The following PRX variants were observed in gnomAD, a reference collection of about 807,000 sequenced individuals.
The protein encoded by PRX is periaxin.
PRX carries 24 observed loss-of-function variants against 29.6 expected under a neutral mutation model. The observed-to-expected ratio is 0.81, with a 90% CI of 0.59 to 1.14. The LOEUF is 1.14. Ranked by LOEUF, PRX falls within the 50% of genes most tolerant of loss-of-function variation. The pLI is 0.00. For missense variants in PRX, 1,838 were observed against 1,926.4 expected, an observed-to-expected ratio of 0.95 and a Z score of 0.86; for synonymous variants, 772 against 831.7, an observed-to-expected ratio of 0.93 and a Z score of 1.24.
Position 40,398,430 on chromosome 19 carries a change from TG to T in PRX, c.381+189del. The T allele has an allele frequency of 6.7e-7, 1 of 1,498,626 alleles. No homozygotes were observed. Among genetic ancestry groups the T allele is most frequent in the Non-Finnish European group, 8.8e-7 (1 of 1,130,766 alleles). 92.8% of individuals were successfully genotyped at this position (1,498,626 alleles called of 1,614,324 possible). On this transcript the variant is annotated intron_variant, in intron 6 of 6. Coordinates refer to ENST00000324001, the MANE Select transcript of PRX (RefSeq NM_181882.3). This position sits in a 1 kb window ranked among gnomAD's most constrained non-coding sequence, Gnocchi z 6.3. ...TCCGAGGTGGGTGAGGGCCCTGGGC[TG>T]GGGTGGGTCTGTCCCCCTTCCCGGG...
chr19:40,405,570 C>G (rs957923666), intron 4 of PRX, among the ~76,000 whole-genome samples: 2 of 151,100 alleles, frequency 1.3e-5, no homozygotes, highest in Non-Finnish European at 1.5e-5. Context: ...GCATGACCAC[C>G]AGTACCGCCC....
In PRX at chr19:40,397,465, T is replaced by C; in HGVS notation, c.887A>G (p.Glu296Gly). The part of the protein sequence containing the change: ...PAVGIQVPQV[E>G]LPALPSLPTL... ...GGGCAGTGAGGGCAAGGCAGGCAGC[T>C]CCACCTGGGGGACCTGGATTCCCAC... Residue 296 changes from glutamate (E) to glycine (G), a missense_variant, in exon 7 of 7, where the codon GAG (glutamate) becomes GGG (glycine). Transcript: ENST00000324001. 1 of 1,579,158 alleles carries C rather than the reference T, an allele frequency of 6.3e-7. No homozygotes were observed. The highest frequency in any genetic ancestry group is 1.1e-5 in the South Asian group (1 of 87,746).
intron 4 of PRX, among the ~76,000 whole-genome samples, chr19:40,406,750 TG>T (rs1385099609): frequency 2.7e-5 from 4 of 148,552 alleles, no homozygotes; most frequent in Non-Finnish European, 5.9e-5. Context: ...TTCTCAGAGG[TG>T]GAGATCATTA....
rs372582520 is a variant in PRX at position 40,394,195 on chromosome 19, G to A, written c.4157C>T (p.Pro1386Leu). The A allele has an allele frequency of 1.3e-6, 2 of 1,589,920 alleles. No individual in the cohort carries two copies. The highest frequency in any genetic ancestry group is 2.3e-5 in the South Asian group (2 of 88,680). Residue 1386 changes from proline to leucine, a missense_variant, in exon 7 of 7, where the codon CCT becomes CTT. Transcript: ENST00000324001. This position sits in a 1 kb window ranked among gnomAD's most constrained non-coding sequence, Gnocchi z 5.8. ...CTCCTGCCCCCGAGAGGCTTTAGAA[G>A]GGGCCGCCAGGCCTACACGTGGCAA... Reference protein sequence around the residue: ...VRLPRVGLAAPSKASRGQEGD... With the variant: ...VRLPRVGLAALSKASRGQEGD...
chr19:40,398,768 T>A lies in PRX; in HGVS notation c.233A>T (p.Glu78Val). ...GCATTGCAGCAGGCGTAGTGCGTCCTCGTACTTGAAGTTCTCGAAGAACAC... is the reference window on the plus strand; with the variant it reads ...GCATTGCAGCAGGCGTAGTGCGTCCACGTACTTGAAGTTCTCGAAGAACAC... The part of the protein sequence containing the change: ...ARVFFENFKY[E>V]DALRLLQCAE... Residue 78 changes from glutamate (E) to valine (V), a missense_variant, in exon 6 of 7, where the codon GAG becomes GTG. Physicochemically the swap from Glu to Val is moderately radical, Grantham distance 121 (BLOSUM62 -2). Transcript: ENST00000324001. The surrounding 1 kb of genome is among the most constrained non-coding windows in gnomAD (Gnocchi z 6.3). 6.2e-7 allele frequency: 1 copy of A among 1,614,074 alleles called. No homozygotes were observed. Among genetic ancestry groups the A allele is most frequent in the Non-Finnish European group, 8.5e-7 (1 of 1,179,962 alleles).
At chr19:40,414,759 C>T (rs992001637), upstream of PRX, among the ~76,000 whole-genome samples, 1 of 152,194 alleles carries the variant, frequency 6.6e-6, no homozygotes, top group Admixed American at 6.5e-5. Context: ...TGAACCCACC[C>T]GGCTGCTGCC....
chr19:40,400,075 C>T (rs1327265501), intron 5 of PRX, among the ~76,000 whole-genome samples: 2 of 151,274 alleles, frequency 1.3e-5, no homozygotes, highest in Admixed American at 6.6e-5. Flanking sequence ...CTCTGCCTCC[C>T]GGGTTCAAGC....
Position 40,408,172 on chromosome 19 carries a change from A to C in PRX, c.-114T>G, listed in dbSNP as rs367716653. ...TGTCCTCTCACCGCTGCCTGGGTGC[A>C]GGCACTTCCTCCTAACAGGAGCCCA... On this transcript the variant is annotated 5_prime_UTR_variant, in exon 3 of 7. Transcript: ENST00000324001. The C allele has an allele frequency of 2.3e-3, 1,376 of 603,498 alleles. 4 individuals carry two copies. Among genetic ancestry groups the C allele is most frequent in the Middle Eastern group, 0.015 (35 of 2,276 alleles). 37.4% of individuals were successfully genotyped at this position (603,498 alleles called of 1,614,324 possible).
intron 1 of PRX, among the ~76,000 whole-genome samples, chr19:40,409,451 C>CTATTATTCTTATTATTAT (rs1555802687): frequency 1.3e-4 from 19 of 142,362 alleles, no homozygotes; most frequent in African/African-American, 4.2e-4. Context: ...TAAATACTTG[C>CTATTATTCTTATTATTAT]TATTATTATT....
In PRX at chr19:40,394,094, T is replaced by C. The variant is rs780680917; in HGVS notation, c.4258A>G (p.Lys1420Glu). The C allele has an allele frequency of 1.9e-6, 3 of 1,610,924 alleles. No homozygotes were observed. The highest frequency in any genetic ancestry group is 2.5e-6 in the Non-Finnish European group (3 of 1,177,676). Reference protein sequence around the residue: ...FRFPRVSLSPKARSGSGDQEE... With the variant: ...FRFPRVSLSPEARSGSGDQEE... ...TGGTCCCCACTCCCACTCCGGGCCT[T>C]GGGGCTTAGGGACACCCTGGGGAAG... Residue 1420 changes from lysine to glutamate, a missense_variant, in exon 7 of 7, where the codon AAG becomes GAG. Lys to Glu is a moderately conservative substitution (Grantham distance 56, BLOSUM62 1). Coordinates refer to ENST00000324001, the MANE Select transcript of PRX (RefSeq NM_181882.3). This position sits in a 1 kb window ranked among gnomAD's most constrained non-coding sequence, Gnocchi z 5.8.
intron 5 of PRX, among the ~76,000 whole-genome samples, chr19:40,399,505 T>A (rs1213351625): frequency 6.6e-6 from 1 of 152,172 alleles, no homozygotes; most frequent in East Asian, 1.9e-4. Context: ...TCTGAACTGC[T>A]CCTCTCAAGG....
chr19:40,400,767 C>A (rs1367890940), intron 5 of PRX, among the ~76,000 whole-genome samples: 1 of 152,036 alleles, frequency 6.6e-6, no homozygotes, highest in Non-Finnish European at 1.5e-5. Flanking sequence ...AGACACACTA[C>A]CCCAGACCTC....
At chr19:40,413,955 A>C (rs1350228602), upstream of PRX, among the ~76,000 whole-genome samples, 1 of 152,162 alleles carries the variant, frequency 6.6e-6, no homozygotes, top group Non-Finnish European at 1.5e-5. Flanking sequence ...TGGCTGGCTC[A>C]TCTTGCTGGG....
At position 40,397,391 on chromosome 19, in the gene PRX, C is replaced by T. The variant is rs1179449278; in HGVS notation, c.961G>A (p.Val321Ile). 9.3e-6 allele frequency: 15 copies of T among 1,612,258 alleles called. No homozygotes were observed. Among genetic ancestry groups the T allele is most frequent in the Non-Finnish European group, 1.1e-5 (13 of 1,179,736 alleles). ...GCCACATCCAGGGTGGGCACCACTA[C>T]CGACACAGCCCCTTCCCGGGTCTCT... ...CLETREGAVS[V>I]VVPTLDVAAP... Residue 321 changes from valine to isoleucine, a missense_variant, in exon 7 of 7, where the codon GTA becomes ATA. By Grantham distance (29) the Val-to-Ile change is conservative. Around this residue, in one of 3 missense-constraint regions of PRX, gnomAD observed 666 missense variants for 665.0 expected, o/e 1.00. Transcript: ENST00000324001.
At position 40,394,105 on chromosome 19, in the gene PRX, G is replaced by GACA. The variant is rs771234852; in HGVS notation, c.4244_4246dup (p.Val1415_Ser1416insLeu). 1.3e-4 allele frequency: 208 copies of GACA among 1,609,186 alleles called. 1 individual carries two copies. In the South Asian group the frequency reaches 1.4e-3, roughly 11 times the overall value. On this transcript the variant is annotated inframe_insertion, in exon 7 of 7. Transcript: ENST00000324001. This position sits in a 1 kb window ranked among gnomAD's most constrained non-coding sequence, Gnocchi z 5.8. ...CCCACTCCGGGCCTTGGGGCTTAGG[G>GACA]ACACCCTGGGGAAGCGGAACTTGGG...
At position 40,395,285 on chromosome 19, in the gene PRX, GA is replaced by G. The variant is rs752104110; in HGVS notation, c.3066del (p.Leu1023SerfsTer16). On this transcript the variant is annotated frameshift_variant, in exon 7 of 7. Coordinates refer to ENST00000324001, the MANE Select transcript of PRX (RefSeq NM_181882.3). LOFTEE classifies it low-confidence loss of function (END_TRUNC). Reference sequence around the variant, plus strand: ...CGGCCTCTGACCCCAAACTTGGGGAGAGCAAACCTGGGCCCCTTGAACTTGA... The same window carrying G: ...CGGCCTCTGACCCCAAACTTGGGGAGGCAAACCTGGGCCCCTTGAACTTGA... ...ADLKFKGPRF[A>X]LPKFGVRGRD... 6.2e-7 allele frequency: 1 copy of G among 1,613,698 alleles called. No individual in the cohort carries two copies. The highest frequency in any genetic ancestry group is 1.7e-5 in the Admixed American group (1 of 60,018).
Position 40,398,366 on chromosome 19 carries a change from G to T in PRX, c.381+254C>A. On this transcript the variant is annotated intron_variant, in intron 6 of 6. Coordinates refer to ENST00000324001, the MANE Select transcript of PRX (RefSeq NM_181882.3). The surrounding 1 kb of genome is among the most constrained non-coding windows in gnomAD (Gnocchi z 6.3). Reference sequence around the variant, plus strand: ...CCTGGTTCGAAGTAGCCTGGTTCAGGACCCCTAGCAAGCCTGGATCCGATG... The same window carrying T: ...CCTGGTTCGAAGTAGCCTGGTTCAGTACCCCTAGCAAGCCTGGATCCGATG... The T allele has an allele frequency of 7.0e-7, 1 of 1,435,626 alleles. No homozygotes were observed. Among genetic ancestry groups the T allele is most frequent in the Non-Finnish European group, 9.1e-7 (1 of 1,099,972 alleles). The allele number at this position is 1,435,626 out of a possible 1,614,324, so 88.9% of individuals were successfully genotyped here.
chr19:40,396,069 C>T lies in PRX; in HGVS notation c.2283G>A (p.Pro761=), dbSNP rs1340076007. Residue 761 remains proline, a synonymous_variant, in exon 7 of 7, where the codon CCG becomes CCA. Transcript: ENST00000324001. ...SEIRLPEMQV[P]KVPDVHLPKA... is the part of the protein sequence containing the mutation. The stretch of plus-strand genomic sequence containing the variant: ...TCGGAAGATGCACGTCGGGAACCTT[C>T]GGCACTTGCATTTCCGGCAGCCGAA... 21 of 1,614,058 alleles carry T rather than the reference C, an allele frequency of 1.3e-5. No individual in the cohort carries two copies. The highest frequency in any genetic ancestry group is 2.2e-5 in the East Asian group (1 of 44,902).
At chr19:40,400,032 G>A (rs2079482989) in intron 5 of PRX, among the ~76,000 whole-genome samples, 1 of 147,234 alleles carries the variant, frequency 6.8e-6, no homozygotes, top group South Asian at 2.2e-4. Flanking sequence ...GCCCAGGCTG[G>A]AGTGCAATGG....
Sources: allele counts gnomAD v4.1 joint callset (sites outside exome capture counted in the v4.1 genomes callset), GRCh38; gene constraint gnomAD v4.1.1; regional missense constraint gnomAD v4.1.1; non-coding constraint Gnocchi (gnomAD v3.1); transcripts MANE v1.5; gene names NCBI Gene and HGNC (gene_info 2026-07-23, HGNC 2026-07-21).